Variants in MRC1 observed in about 807,000 individuals in gnomAD.
The protein encoded by MRC1 is macrophage mannose receptor 1.
Under a neutral mutation model 102.9 loss-of-function variants are expected in MRC1, and 62 were observed. The ratio of observed to expected loss-of-function variants is 0.60; its 90% confidence interval spans 0.49 to 0.74. The LOEUF is 0.74. Ranked by LOEUF, MRC1 falls within the 30% of genes least tolerant of loss-of-function variation. The pLI is 0.00. For synonymous variants in MRC1, 457 were observed against 298.4 expected (o/e 1.53, Z -5.48); for missense variants, 1,237 against 862.8 (o/e 1.43, Z -5.43).
intron 11 of MRC1, among the ~76,000 whole-genome samples, chr10:17,865,817 A>T (rs887883032): frequency 9.2e-5 from 14 of 152,326 alleles, no homozygotes; most frequent in Admixed American, 6.5e-5. Context: ...ATATTCTAAA[A>T]AAGGTGTACC....
In MRC1 at chr10:17,906,916, C is replaced by T; in HGVS notation, c.3830C>T (p.Ala1277Val). 1 of 807,678 alleles carries T rather than the reference C, an allele frequency of 1.2e-6. No individual in the cohort carries two copies. The highest frequency in any genetic ancestry group is 2.3e-6 in the Non-Finnish European group (1 of 442,694). 50.0% of individuals were successfully genotyped at this position (807,678 alleles called of 1,614,324 possible). A position where few individuals can be genotyped will look rare whatever the true frequency, so the allele number is the denominator to read the frequency against. Residue 1277 changes from alanine (A) to valine (V), a missense_variant, in exon 27 of 30, where the codon GCA becomes GTA. Coordinates refer to ENST00000569591, the MANE Select transcript of MRC1 (RefSeq NM_002438.4). ...TCTCTGGTTTCCATTGAAAGTGCTG[C>T]AGAATCCAGTTTTCTGTCATATCGG... ...GSSLVSIESA[A>V]ESSFLSYRVE...
intron 5 of MRC1, 104 bp downstream of exon 5, chr10:17,840,910 G>A (rs1001857325): frequency 1.3e-6 from 1 of 771,774 alleles, no homozygotes; most frequent in Non-Finnish European, 2.4e-6. Context: ...GAAGAATTGG[G>A]AGACTTCATC....
chr10:17,845,766 G>A (rs1350488020), intron 6 of MRC1, among the ~76,000 whole-genome samples: 6 of 152,100 alleles, frequency 3.9e-5, no homozygotes, highest in African/African-American at 9.7e-5. Context: ...TGGCAAAACC[G>A]GAATCCAAGC....
chr10:17,894,064 A>G, intron 22 of MRC1, 146 bp from the exon 23 acceptor site: 1 of 678,054 alleles, frequency 1.5e-6, no homozygotes. Flanking sequence ...GTAGAAAGTA[A>G]TGATGGATTG....
At chr10:17,898,303 A>G (rs1833782812) in intron 24 of MRC1, 37 bp downstream of exon 24, 2 of 780,790 alleles carry the variant, frequency 2.6e-6, no homozygotes, top group Non-Finnish European at 4.8e-6. Context: ...TGACATGATC[A>G]GTGAATTATG....
At chr10:17,896,055 G>A (rs1833750756) in intron 23 of MRC1, among the ~76,000 whole-genome samples, 1 of 152,172 alleles carries the variant, frequency 6.6e-6, no homozygotes, top group African/African-American at 2.4e-5. Context: ...GGTCTGGAGT[G>A]AGTCCTGCCT....
intron 8 of MRC1, among the ~76,000 whole-genome samples, chr10:17,855,822 C>A (rs1833081419): frequency 6.6e-6 from 1 of 152,096 alleles, no homozygotes; most frequent in Non-Finnish European, 1.5e-5. Context: ...CTCTCAATAA[C>A]CTTGGATCTT....
At chr10:17,861,170 G>C (rs936713430) in intron 9 of MRC1, among the ~76,000 whole-genome samples, 2 of 152,120 alleles carry the variant, frequency 1.3e-5, no homozygotes, top group African/African-American at 4.8e-5. Context: ...AAATTTGGCC[G>C]GGTGTGGTGG....
intron 2 of MRC1, among the ~76,000 whole-genome samples, chr10:17,824,006 A>G (rs1554838506): frequency 6.6e-6 from 1 of 152,226 alleles, no homozygotes; most frequent in African/African-American, 2.4e-5. Context: ...AGACTGTAAT[A>G]ATCAGAAGAT....
At chr10:17,810,450 A>G (rs1386202771) in intron 1 of MRC1, among the ~76,000 whole-genome samples, 4 of 152,180 alleles carry the variant, frequency 2.6e-5, no homozygotes, top group African/African-American at 9.7e-5. Flanking sequence ...CTAGGAAGAG[A>G]GTGTTTTAGT....
At chr10:17,814,317 A>G (rs1161174812) in intron 1 of MRC1, among the ~76,000 whole-genome samples, 3 of 152,226 alleles carry the variant, frequency 2.0e-5, no homozygotes, top group Non-Finnish European at 4.4e-5. Flanking sequence ...CTATGTTAGA[A>G]GAAGGACTTA....
Position 17,841,856 on chromosome 10 carries a change from C to T in MRC1, c.916+1050C>T, listed in dbSNP as rs1838757642. On this transcript the variant is annotated intron_variant, in intron 5 of 29. Coordinates refer to ENST00000569591, the MANE Select transcript of MRC1 (RefSeq NM_002438.4). ...ACATCTTATCAAATCTCCTATGGGCCATACCATTATAATACGGTGTTCTTC... is the reference window on the plus strand; with the variant it reads ...ACATCTTATCAAATCTCCTATGGGCTATACCATTATAATACGGTGTTCTTC... 4.6e-5 allele frequency among the ~76,000 whole-genome samples: 7 copies of T among 152,062 alleles called. No homozygotes were observed. In the South Asian group the frequency reaches 1.5e-3, roughly 32 times the overall value.
chr10:17,848,763 A>G (rs1838867519), intron 6 of MRC1, among the ~76,000 whole-genome samples: 1 of 152,192 alleles, frequency 6.6e-6, no homozygotes, highest in African/African-American at 2.4e-5. Flanking sequence ...TTTAGGAGTT[A>G]TGACTCCAGA....
intron 3 of MRC1, among the ~76,000 whole-genome samples, chr10:17,830,476 C>T (rs1222873819): frequency 6.6e-6 from 1 of 151,438 alleles, no homozygotes; most frequent in East Asian, 1.9e-4. Flanking sequence ...AGGTTTTATA[C>T]AGGAGGATGA....
intron 26 of MRC1, among the ~76,000 whole-genome samples, chr10:17,904,802 A>C (rs1833875063): frequency 6.6e-6 from 1 of 152,206 alleles, no homozygotes; most frequent in Non-Finnish European, 1.5e-5. Context: ...GCCTTGGGCA[A>C]GGGCACACTT....
At chr10:17,896,582 TA>T (rs1363447412) in intron 23 of MRC1, among the ~76,000 whole-genome samples, 1 of 152,182 alleles carries the variant, frequency 6.6e-6, no homozygotes, top group Non-Finnish European at 1.5e-5. Flanking sequence ...TTTAATGACT[TA>T]AGGAAAGATT....
chr10:17,887,867 A>G (rs1833622163), intron 22 of MRC1, among the ~76,000 whole-genome samples: 1 of 152,142 alleles, frequency 6.6e-6, no homozygotes, highest in Non-Finnish European at 1.5e-5. Flanking sequence ...CAATGGTGCA[A>G]TCTCGGCTCA....
chr10:17,874,638 T>G (rs1833402088), intron 16 of MRC1, among the ~76,000 whole-genome samples: 1 of 152,146 alleles, frequency 6.6e-6, no homozygotes, highest in East Asian at 1.9e-4. Context: ...GCCCACTTGA[T>G]ACGTGAATTC....
At chr10:17,889,412 A>T (rs1388635893) in intron 22 of MRC1, among the ~76,000 whole-genome samples, 4 of 152,114 alleles carry the variant, frequency 2.6e-5, no homozygotes, top group Non-Finnish European at 5.9e-5. Flanking sequence ...TACTTTAAGA[A>T]AGCTTTTTTC....
Sources: gnomAD v4.1 joint callset for allele counts (sites outside exome capture counted in the v4.1 genomes callset) on GRCh38, gnomAD v4.1.1 for gene constraint, MANE v1.5 for transcripts, NCBI Gene and HGNC (gene_info 2026-07-23, HGNC 2026-07-21) for gene names.